KANK1: variants seen among roughly 807,000 people sequenced by gnomAD.
KANK1 encodes KN motif and ankyrin repeat domains 1.
A neutral mutation model predicts 106.2 loss-of-function variants in KANK1; 109 were observed. The observed-to-expected ratio is 1.03, with a 90% CI of 0.88 to 1.20. The LOEUF is 1.20. Ranked by LOEUF, KANK1 falls within the 50% of genes most tolerant of loss-of-function variation. The pLI, the probability that KANK1 is intolerant of heterozygous loss-of-function variation, is 0.00. For synonymous variants in KANK1, 873 were observed against 652.2 expected (o/e 1.34, Z -5.16); for missense variants, 2,399 against 1,710.7 (o/e 1.40, Z -7.10).
Position 607,275 on chromosome 9 carries a change from C to T in KANK1, c.-83-69615C>T, listed in dbSNP as rs554012471. On this transcript the variant is annotated intron_variant, in intron 1 of 11. Coordinates refer to ENST00000382297, the MANE Select transcript of KANK1 (RefSeq NM_015158.5). ...CCAAGGCGGGTGGATCACTTGAGGT[C>T]AGAAGTTCAAGACCAGCCTGGCCAA... 4.0e-5 allele frequency among the ~76,000 whole-genome samples: 6 copies of T among 151,594 alleles called. No individual in the cohort carries two copies. The East Asian group carries it at 9.7e-4, about 24-fold the overall frequency.
intron 1 of KANK1, among the ~76,000 whole-genome samples, chr9:511,675 A>G (rs1282738466): frequency 6.6e-6 from 1 of 152,226 alleles, no homozygotes; most frequent in Non-Finnish European, 1.5e-5. Flanking sequence ...TCTGAATTAT[A>G]GAATTTCTAA....
At chr9:585,007 TC>T (rs948002235) in intron 1 of KANK1, among the ~76,000 whole-genome samples, 46 of 152,268 alleles carry the variant, frequency 3.0e-4, no homozygotes, top group African/African-American at 1.1e-3. Flanking sequence ...GTGACCCCCT[TC>T]CTTATTGTTA....
intron 1 of KANK1, among the ~76,000 whole-genome samples, chr9:571,703 A>G (rs1023729138): frequency 1.3e-5 from 2 of 152,226 alleles, no homozygotes; most frequent in African/African-American, 4.8e-5. Context: ...AATGAATGCC[A>G]GAAATACAGT....
At chr9:513,852 A>G (rs1352845255) in intron 1 of KANK1, among the ~76,000 whole-genome samples, 2 of 152,022 alleles carry the variant, frequency 1.3e-5, no homozygotes, top group Non-Finnish European at 2.9e-5. Flanking sequence ...CCCCATCTCT[A>G]CTAAAAATAC....
chr9:720,636 G>A (rs1277931973), intron 3 of KANK1, among the ~76,000 whole-genome samples: 3 of 152,148 alleles, frequency 2.0e-5, no homozygotes, highest in African/African-American at 4.8e-5. Flanking sequence ...GATTACAGGC[G>A]TAAGCCAATG....
At chr9:720,326 G>T (rs1363403932) in intron 3 of KANK1, among the ~76,000 whole-genome samples, 2 of 152,168 alleles carry the variant, frequency 1.3e-5, no homozygotes, top group Non-Finnish European at 2.9e-5. Flanking sequence ...AAGGTGTTTT[G>T]TAATTACTCC....
intron 3 of KANK1, among the ~76,000 whole-genome samples, chr9:727,147 ACTGT>A (rs1830896926): frequency 6.6e-6 from 1 of 152,174 alleles, no homozygotes; most frequent in African/African-American, 2.4e-5. Flanking sequence ...TTACAAGCAG[ACTGT>A]CTGCCTCTTT....
At chr9:744,983 G>A in intron 11 of KANK1, 190 bp from the exon 12 acceptor site, 3 of 1,490,142 alleles carry the variant, frequency 2.0e-6, no homozygotes, top group Non-Finnish European at 2.7e-6. Context: ...AGGACAGCCG[G>A]ACATAGCACT....
Position 637,953 on chromosome 9 carries a change from A to G in KANK1, c.-83-38937A>G, listed in dbSNP as rs182554690. Among the ~76,000 whole-genome samples the G allele has an allele frequency of 9.2e-5, 14 of 152,210 alleles. No homozygotes were observed. In the East Asian group the frequency reaches 2.3e-3, roughly 25 times the overall value. ...GACTCTGGTTCCTACTCTTTATTCC[A>G]CTGTGCCATGGACCATGTGCTGGTA... On this transcript the variant is annotated intron_variant, in intron 1 of 11. Transcript: ENST00000382297.
chr9:724,061 A>C (rs748959383), intron 3 of KANK1, among the ~76,000 whole-genome samples: 1 of 152,088 alleles, frequency 6.6e-6, no homozygotes, highest in Non-Finnish European at 1.5e-5. Flanking sequence ...AGATCACGCC[A>C]CTGCACTCCA....
intron 4 of KANK1, chr9:730,548 C>G: frequency 5.5e-6 from 2 of 362,632 alleles, no homozygotes; most frequent in Non-Finnish European, 1.1e-5. Context: ...CAAAAATTAG[C>G]CAGGCATGGT....
Position 475,606 on chromosome 9 carries a change from G to T in KANK1, c.-362+2333G>T, listed in dbSNP as rs551784507. On this transcript the variant is annotated intron_variant, in intron 3 of 15. Transcript: ENST00000382303. ...TACAAACCAAAAATTCTCATCAGAT[G>T]GGTTTTATTTAACCCTATATATTGT... 2.0e-4 allele frequency among the ~76,000 whole-genome samples: 31 copies of T among 152,154 alleles called. No homozygotes were observed. In the South Asian group the frequency reaches 6.4e-3, roughly 32 times the overall value.
At chr9:617,400 A>C (rs1043420422) in intron 1 of KANK1, among the ~76,000 whole-genome samples, 1 of 152,178 alleles carries the variant, frequency 6.6e-6, no homozygotes, top group Non-Finnish European at 1.5e-5. Flanking sequence ...CCTATGTTTT[A>C]TTCCCTTATT....
chr9:597,116 C>A (rs9644887), intron 1 of KANK1, among the ~76,000 whole-genome samples: 2 of 151,976 alleles, frequency 1.3e-5, no homozygotes, highest in Admixed American at 6.5e-5. Flanking sequence ...TTTGTTTATC[C>A]ATTCATCTGT....
intron 3 of KANK1, among the ~76,000 whole-genome samples, chr9:493,554 CTTTT>C (rs34062799): frequency 2.6e-5 from 3 of 115,966 alleles, no homozygotes; most frequent in African/African-American, 3.5e-5. Flanking sequence ...GGGTAATTTG[CTTTT>C]TTTTTTTTTT....
intron 1 of KANK1, among the ~76,000 whole-genome samples, chr9:646,050 G>A (rs1839601056): frequency 1.3e-5 from 2 of 150,976 alleles, no homozygotes; most frequent in South Asian, 4.1e-4. Flanking sequence ...GATAGTTTCA[G>A]GGCAGGGTAG....
chr9:513,148 A>G (rs79431890), intron 1 of KANK1, among the ~76,000 whole-genome samples: 3,965 of 152,270 alleles, frequency 0.026, 160 homozygotes, highest in South Asian at 0.11. Context: ...CAGGTGGCAT[A>G]ATTTGACACT....
intron 2 of KANK1, among the ~76,000 whole-genome samples, chr9:700,877 A>AAGAAG (rs1822494227): frequency 6.6e-6 from 1 of 152,162 alleles, no homozygotes. Context: ...AATCAGAACA[A>AAGAAG]AGAAGTCAGT....
intron 1 of KANK1, among the ~76,000 whole-genome samples, chr9:512,247 G>C (rs865935595): frequency 7.4e-6 from 1 of 135,194 alleles, no homozygotes; most frequent in Non-Finnish European, 1.5e-5. Context: ...GTGTGTGTGT[G>C]TGTATGTATA....
Sources: allele counts gnomAD v4.1 joint callset (sites outside exome capture counted in the v4.1 genomes callset), GRCh38; gene constraint gnomAD v4.1.1; transcripts MANE v1.5; gene names NCBI Gene and HGNC (gene_info 2026-07-23, HGNC 2026-07-21).